GRID1: variants seen among roughly 807,000 people sequenced by gnomAD.
The protein encoded by GRID1 is glutamate receptor ionotropic, delta-1.
GRID1 carries 28 observed loss-of-function variants against 98.0 expected under a neutral mutation model. That is an observed-to-expected ratio of 0.29 (90% confidence interval 0.21 to 0.39). The LOEUF (loss-of-function observed/expected upper bound fraction) is 0.39. Ranked by LOEUF, GRID1 falls within the 10% of genes least tolerant of loss-of-function variation. GRID1 has a pLI of 1.00. For missense variants in GRID1, 1,111 were observed against 1,340.5 expected (o/e 0.83, Z 2.67); for synonymous variants, 553 against 538.5 (o/e 1.03, Z -0.37).
In GRID1 at chr10:86,356,713, T is replaced by G. The variant is rs567997751; in HGVS notation, c.235+7228A>C. On this transcript the variant is annotated intron_variant, in intron 2 of 15. Transcript: ENST00000327946. ...GCAGCATAACTTAGTCTCCCCTGAC[T>G]CATACAACGGGAAACACAGAACAAA... Among the ~76,000 whole-genome samples the G allele has an allele frequency of 3.3e-5, 5 of 152,270 alleles. No individual in the cohort carries two copies. The South Asian group carries it at 1.0e-3, about 32-fold the overall frequency.
chr10:85,691,357 A>T (rs1300137079), intron 12 of GRID1, among the ~76,000 whole-genome samples: 1 of 151,976 alleles, frequency 6.6e-6, no homozygotes, highest in Admixed American at 6.6e-5. Flanking sequence ...ATTTACACAC[A>T]CTTTTGAGTG....
intron 3 of GRID1, among the ~76,000 whole-genome samples, chr10:86,194,765 G>C (rs1845849754): frequency 6.6e-6 from 1 of 152,018 alleles, no homozygotes; most frequent in Non-Finnish European, 1.5e-5. Context: ...CATTGGGCTG[G>C]TCTCTGCTCA....
At chr10:85,801,657 G>A (rs1251188032) in intron 8 of GRID1, among the ~76,000 whole-genome samples, 1 of 151,584 alleles carries the variant, frequency 6.6e-6, no homozygotes, top group African/African-American at 2.4e-5. Flanking sequence ...GCTTTATTTT[G>A]ATAAAAGGGA....
chr10:86,111,098 G>T (rs569690475), intron 4 of GRID1, among the ~76,000 whole-genome samples: 1 of 152,198 alleles, frequency 6.6e-6, no homozygotes, highest in African/African-American at 2.4e-5. Flanking sequence ...AGTGGCTCCT[G>T]TAGGCCCCTT....
intron 8 of GRID1, among the ~76,000 whole-genome samples, chr10:85,816,216 T>A (rs907964693): frequency 1.3e-5 from 2 of 152,126 alleles, no homozygotes; most frequent in Non-Finnish European, 2.9e-5. Flanking sequence ...TACATAAATA[T>A]CTTTACAAAA....
intron 2 of GRID1, among the ~76,000 whole-genome samples, chr10:86,321,638 G>A (rs549363991): frequency 3.9e-5 from 6 of 152,272 alleles, no homozygotes; most frequent in East Asian, 1.9e-4. Flanking sequence ...CCCAGCAAGT[G>A]AGGACCCAGA....
chr10:85,934,678 C>T (rs1841903327), intron 4 of GRID1, among the ~76,000 whole-genome samples: 1 of 152,042 alleles, frequency 6.6e-6, no homozygotes, highest in African/African-American at 2.4e-5. Context: ...TTGTAAAATA[C>T]CTATGTCTTT....
In GRID1 at chr10:85,602,342, C is replaced by T. The variant is rs780595233; in HGVS notation, c.2961G>A (p.Met987Ile). 6.3e-7 allele frequency: 1 copy of T among 1,582,576 alleles called. No homozygotes were observed. Among genetic ancestry groups the T allele is most frequent in the East Asian group, 2.2e-5 (1 of 44,494 alleles). Reference sequence around the variant, plus strand: ...CGCCTCCAGGCACGGGCTGGAAGGACATGGGGATGGGGGTCTTCACCGGGC... The same window carrying T: ...CGCCTCCAGGCACGGGCTGGAAGGATATGGGGATGGGGGTCTTCACCGGGC... ...RQSPVKTPIP[M>I]SFQPVPGGVL... Residue 987 changes from methionine (M) to isoleucine (I), a missense_variant, in exon 16 of 16, where the codon ATG becomes ATA. Transcript: ENST00000327946.
At chr10:86,276,245 T>C (rs1193076414) in intron 2 of GRID1, among the ~76,000 whole-genome samples, 4 of 152,212 alleles carry the variant, frequency 2.6e-5, no homozygotes, top group Admixed American at 6.5e-5. Flanking sequence ...GGCTTATAGA[T>C]TGCCATCTTC....
At chr10:86,363,125 G>A (rs557363019) in intron 2 of GRID1, among the ~76,000 whole-genome samples, 28 of 152,396 alleles carry the variant, frequency 1.8e-4, no homozygotes, top group Admixed American at 1.2e-3. Context: ...AGGTTGAAGG[G>A]GAGGGACTAG....
chr10:86,062,258 A>G (rs1215864525), intron 4 of GRID1, among the ~76,000 whole-genome samples: 1 of 152,156 alleles, frequency 6.6e-6, no homozygotes, highest in Non-Finnish European at 1.5e-5. Flanking sequence ...GAAGGGCCTG[A>G]GCATCTCATA....
At chr10:85,737,610 G>A (rs537144157) in intron 8 of GRID1, among the ~76,000 whole-genome samples, 12 of 142,186 alleles carry the variant, frequency 8.4e-5, no homozygotes, top group African/African-American at 3.1e-4. Flanking sequence ...AGAAAGGAGC[G>A]AGAGGATTTT....
At chr10:85,756,621 G>A (rs1461118758) in intron 8 of GRID1, among the ~76,000 whole-genome samples, 10 of 152,160 alleles carry the variant, frequency 6.6e-5, no homozygotes, top group Non-Finnish European at 8.8e-5. Context: ...ACTTCATCAC[G>A]TTACTTAAAA....
intron 4 of GRID1, among the ~76,000 whole-genome samples, chr10:86,027,967 T>G (rs987421583): frequency 6.6e-6 from 1 of 152,196 alleles, no homozygotes; most frequent in Non-Finnish European, 1.5e-5. Context: ...GGCTCCTTTA[T>G]GTACATCATC....
chr10:86,329,224 G>C (rs1848102183), intron 2 of GRID1, among the ~76,000 whole-genome samples: 1 of 152,224 alleles, frequency 6.6e-6, no homozygotes, highest in Non-Finnish European at 1.5e-5. Flanking sequence ...CAGCCCCGCT[G>C]ACCACAGACA....
chr10:85,768,155 C>G (rs1312617097), intron 8 of GRID1, among the ~76,000 whole-genome samples: 2 of 152,126 alleles, frequency 1.3e-5, no homozygotes, highest in Non-Finnish European at 2.9e-5. Context: ...TGACCAACCC[C>G]TAAGGAAGTG....
intron 2 of GRID1, among the ~76,000 whole-genome samples, chr10:86,210,278 G>C (rs762590170): frequency 2.6e-5 from 4 of 152,188 alleles, no homozygotes; most frequent in Non-Finnish European, 5.9e-5. Context: ...CACCTCACCA[G>C]GGGTGGTGGG....
chr10:85,613,942 C>A (rs1374784894), intron 14 of GRID1, among the ~76,000 whole-genome samples: 20 of 152,224 alleles, frequency 1.3e-4, no homozygotes, highest in Admixed American at 1.3e-3. Context: ...AGGCCCATTA[C>A]ATGGATTCTG....
At chr10:86,092,055 G>C (rs1166966331) in intron 4 of GRID1, among the ~76,000 whole-genome samples, 1 of 152,042 alleles carries the variant, frequency 6.6e-6, no homozygotes, top group Admixed American at 6.5e-5. Context: ...ACCAACCCTG[G>C]TAAATGACAA....
Sources: gnomAD v4.1 joint callset for allele counts (sites outside exome capture counted in the v4.1 genomes callset) on GRCh38, gnomAD v4.1.1 for gene constraint, MANE v1.5 for transcripts, NCBI Gene and HGNC (gene_info 2026-07-23, HGNC 2026-07-21) for gene names.